Variants in CNTNAP3 observed in about 807,000 individuals in gnomAD.
The protein encoded by CNTNAP3 is contactin associated protein family member 3, also known as contactin-associated protein-like 3.
Under a neutral mutation model 92.1 loss-of-function variants are expected in CNTNAP3, and 36 were observed. The ratio of observed to expected loss-of-function variants is 0.39; its 90% CI spans 0.30 to 0.52. The LOEUF (loss-of-function observed/expected upper bound fraction) is 0.52, where lower values mean the gene tolerates loss of function less well. CNTNAP3 is among the 20% of genes least tolerant of loss of function. The pLI, the probability that CNTNAP3 is intolerant of heterozygous loss-of-function variation, is 0.76. For missense variants in CNTNAP3, 534 were observed against 1,069.6 expected, an observed-to-expected ratio of 0.50 and a Z score of 6.98; for synonymous variants, 232 against 422.3, an observed-to-expected ratio of 0.55 and a Z score of 5.53.
intron 13 of CNTNAP3, among the ~76,000 whole-genome samples, chr9:39,120,433 C>A (rs759855815): frequency 6.6e-6 from 1 of 152,084 alleles, no homozygotes; most frequent in Non-Finnish European, 1.5e-5. Flanking sequence ...CCAGCACTTT[C>A]GGAGGCCGAG....
At chr9:39,130,239 A>C (rs920464875) in intron 13 of CNTNAP3, among the ~76,000 whole-genome samples, 1 of 151,988 alleles carries the variant, frequency 6.6e-6, no homozygotes, top group Non-Finnish European at 1.5e-5. Flanking sequence ...TAAACAAACA[A>C]CCCAGATGCC....
At chr9:39,104,723 G>C (rs1826558136) in intron 15 of CNTNAP3, among the ~76,000 whole-genome samples, 2 of 152,022 alleles carry the variant, frequency 1.3e-5, no homozygotes, top group Admixed American at 1.3e-4. Context: ...TTGACTTGCA[G>C]AATGTTCCTC....
chr9:39,086,581 G>A (rs921071086), intron 20 of CNTNAP3, 135 bp downstream of exon 20: 2 of 1,125,010 alleles, frequency 1.8e-6, no homozygotes, highest in Non-Finnish European at 2.5e-6. Context: ...GGCCATATTT[G>A]GCTTCTTCTT....
At chr9:39,077,968 G>A (rs562177320) in intron 23 of CNTNAP3, among the ~76,000 whole-genome samples, 4 of 152,272 alleles carry the variant, frequency 2.6e-5, no homozygotes, top group Non-Finnish European at 5.9e-5. Flanking sequence ...CACTTTGGGA[G>A]GCTGAGGCGG....
In CNTNAP3 at chr9:39,133,171, A is replaced by C. The variant is rs1692830; in HGVS notation, c.1877-36T>G. ...ACGGGCAAAGGAGAGGCATCACTGG[A>C]CGGCAGAGGCCAGCAGCAAGAGGCA... On this transcript the variant is annotated intron_variant, in intron 12 of 23. Transcript: ENST00000297668. 2.6e-6 allele frequency: 4 copies of C among 1,549,370 alleles called. No individual in the cohort carries two copies. The Admixed American group carries it at 7.8e-5, about 30-fold the overall frequency.
At chr9:39,147,002 G>A (rs1054032180) in intron 10 of CNTNAP3, among the ~76,000 whole-genome samples, 3 of 152,068 alleles carry the variant, frequency 2.0e-5, no homozygotes, top group African/African-American at 4.8e-5. Flanking sequence ...GAATCATGTG[G>A]GCAGATCTTT....
intron 18 of CNTNAP3, among the ~76,000 whole-genome samples, chr9:39,097,081 A>T (rs1826343234): frequency 6.6e-6 from 1 of 151,824 alleles, no homozygotes; most frequent in Non-Finnish European, 1.5e-5. Context: ...ATTCTTCAGG[A>T]TACATAATCT....
At chr9:39,119,284 A>T (rs4961898) in intron 13 of CNTNAP3, among the ~76,000 whole-genome samples, 17,175 of 150,754 alleles carry the variant, frequency 0.11, 1,067 homozygotes, top group Admixed American at 0.16. Flanking sequence ...TTACAACTCA[A>T]TTATAACTCA....
At chr9:39,089,977 C>A (rs186132751) in intron 18 of CNTNAP3, among the ~76,000 whole-genome samples, 1 of 151,658 alleles carries the variant, frequency 6.6e-6, no homozygotes, top group South Asian at 2.1e-4. Context: ...TCTCGCTCTG[C>A]TGCCCAGGCT....
intron 13 of CNTNAP3, among the ~76,000 whole-genome samples, chr9:39,128,686 A>G (rs1238043584): frequency 6.6e-6 from 1 of 152,082 alleles, no homozygotes; most frequent in Non-Finnish European, 1.5e-5. Context: ...TACTGCAATA[A>G]AGCAAGAAAA....
intron 21 of CNTNAP3, 154 bp downstream of exon 21, chr9:39,085,582 T>C (rs1246823386): frequency 5.6e-6 from 4 of 717,112 alleles, no homozygotes; most frequent in Non-Finnish European, 9.3e-6. Flanking sequence ...CATGATTATA[T>C]GTACACTCAG....
Position 39,140,612 on chromosome 9 carries a change from G to A in CNTNAP3, c.1783C>T (p.His595Tyr). The A allele has an allele frequency of 1.2e-6, 2 of 1,613,056 alleles. No homozygotes were observed. The highest frequency in any genetic ancestry group is 1.7e-6 in the Non-Finnish European group (2 of 1,179,576). Reference protein sequence around the residue: ...SSLYEQSCEAHKHRGNPSGLY... With the variant: ...SSLYEQSCEAYKHRGNPSGLY... ...CCAGACGGGTTCCCTCGGTGCTTGTGGGCTTCACAAGACTGCTCGTAGAGA... is the reference window on the plus strand; with the variant it reads ...CCAGACGGGTTCCCTCGGTGCTTGTAGGCTTCACAAGACTGCTCGTAGAGA... The change falls in exon 12 of 24, where the codon CAC (histidine) becomes TAC (tyrosine). Residue 595 changes from histidine (H) to tyrosine (Y), a missense_variant. His to Tyr is a moderately conservative substitution (Grantham distance 83, BLOSUM62 2). Transcript: ENST00000297668.
At chr9:39,147,737 C>G (rs1821737593) in intron 10 of CNTNAP3, among the ~76,000 whole-genome samples, 1 of 152,124 alleles carries the variant, frequency 6.6e-6, no homozygotes, top group African/African-American at 2.4e-5. Context: ...AGTTAGGCAC[C>G]AATGTAACTC....
At chr9:39,264,214 GATAA>G (rs1160668948) in intron 2 of CNTNAP3, among the ~76,000 whole-genome samples, 851 of 4,910 alleles carry the variant, frequency 0.17, 404 homozygotes, top group Non-Finnish European at 0.53. Context: ...ACTCCATCTC[GATAA>G]ATAAATAAAT....
intron 8 of CNTNAP3, among the ~76,000 whole-genome samples, chr9:39,168,287 G>T (rs1389696497): frequency 1.3e-5 from 2 of 150,446 alleles, no homozygotes; most frequent in Admixed American, 1.3e-4. Context: ...AAACTGCTGG[G>T]ATTACAGGCG....
intron 13 of CNTNAP3, among the ~76,000 whole-genome samples, chr9:39,128,351 T>C (rs1283709610): frequency 1.3e-5 from 2 of 152,064 alleles, no homozygotes; most frequent in African/African-American, 4.8e-5. Flanking sequence ...CAATAAAATA[T>C]TAATAAATGA....
rs577089151 is a variant in CNTNAP3 at position 39,121,526 on chromosome 9, C to T, written c.2081-3267G>A. ...TACACAGTTAAAGTCATAGGGCAAA[C>T]ATTACTCCTAAAGCTGCAGAGACAA... On this transcript the variant is annotated intron_variant, in intron 13 of 23. Transcript: ENST00000297668. 4.3e-3 allele frequency among the ~76,000 whole-genome samples: 661 copies of T among 152,258 alleles called. 9 individuals are homozygous for T. Among genetic ancestry groups the T allele is most frequent in the African/African-American group, 0.015 (626 of 41,536 alleles).
chr9:39,159,578 G>A (rs945531310), intron 9 of CNTNAP3: 12 of 137,740 alleles, frequency 8.7e-5, no homozygotes, highest in East Asian at 2.1e-4. Flanking sequence ...GTGATCCGCC[G>A]GCCTCAGCCT....
At chr9:39,145,412 A>C (rs1264210883) in intron 10 of CNTNAP3, among the ~76,000 whole-genome samples, 51 of 143,742 alleles carry the variant, frequency 3.5e-4, no homozygotes, top group East Asian at 1.3e-3. Flanking sequence ...GGGAGCACCC[A>C]AGTGCCCCTC....
Sources: gnomAD v4.1 joint callset for allele counts (sites outside exome capture counted in the v4.1 genomes callset) on GRCh38, gnomAD v4.1.1 for gene constraint, MANE v1.5 for transcripts, NCBI Gene and HGNC (gene_info 2026-07-23, HGNC 2026-07-21) for gene names.